Variants in SCAI observed in about 807,000 individuals in gnomAD.
The protein encoded by SCAI is protein SCAI.
A neutral mutation model predicts 92.2 loss-of-function variants in SCAI; 24 were observed. The ratio of observed to expected loss-of-function variants is 0.26; its 90% CI spans 0.19 to 0.37. SCAI has a LOEUF of 0.37. Among genes scored for constraint, SCAI ranks in the 10% least tolerant of loss-of-function variants. The probability of loss-of-function intolerance (pLI) is 1.00; values close to 1 mark genes in which losing one functional copy is unlikely to be tolerated. For missense variants in SCAI, 450 were observed against 736.2 expected (o/e 0.61, Z 4.50); for synonymous variants, 261 against 258.6 (o/e 1.01, Z -0.09).
intron 2 of SCAI, among the ~76,000 whole-genome samples, chr9:125,074,352 G>A (rs890935735): frequency 2.0e-5 from 3 of 150,714 alleles, no homozygotes; most frequent in African/African-American, 7.3e-5. Flanking sequence ...CACCTCCCAG[G>A]TTCAAGCGAT....
chr9:125,126,567 G>GGTGTGTGT lies in SCAI; in HGVS notation c.98+16058_98+16065dup, dbSNP rs748121151. Reference sequence around the variant, plus strand: ...AAAGTGAGGTGGGTGGGTGGGTGTGGGTGTGTGTGTGTGTGTGTGTGTGAG... The same window carrying GGTGTGTGT: ...AAAGTGAGGTGGGTGGGTGGGTGTGGGTGTGTGTGTGTGTGTGTGTGTGTGTGTGTGAG... On this transcript the variant is annotated intron_variant, in intron 2 of 17. Transcript: ENST00000336505. 2.2e-3 allele frequency among the ~76,000 whole-genome samples: 288 copies of GGTGTGTGT among 128,578 alleles called. 7 individuals are homozygous for GGTGTGTGT. The East Asian group carries it at 0.045, about 20-fold the overall frequency. The allele number at this position is 128,578 out of a possible 152,430, so 84.4% of individuals were successfully genotyped here. A position where few individuals can be genotyped will look rare whatever the true frequency, so the allele number is the denominator to read the frequency against.
At chr9:125,064,800 C>T (rs1351097834) in intron 2 of SCAI, among the ~76,000 whole-genome samples, 3 of 152,070 alleles carry the variant, frequency 2.0e-5, no homozygotes, top group African/African-American at 7.2e-5. Context: ...GAGCCAAGAT[C>T]GTGCCACTGC....
At chr9:124,983,904 G>A (rs1190669854) in intron 14 of SCAI, among the ~76,000 whole-genome samples, 1 of 152,074 alleles carries the variant, frequency 6.6e-6, no homozygotes, top group Non-Finnish European at 1.5e-5. Context: ...AGTAAAATGG[G>A]AACAATAAAA....
chr9:125,039,385 C>CAAAAAAAAAAAAAAGAAAAAA (rs1833269752), intron 3 of SCAI, among the ~76,000 whole-genome samples: 1 of 48,362 alleles, frequency 2.1e-5, no homozygotes. Flanking sequence ...GACTCCATCT[C>CAAAAAAAAAAAAAAGAAAAAA]AAAAAAAAAA....
intron 9 of SCAI, among the ~76,000 whole-genome samples, chr9:125,012,272 G>A (rs1277662577): frequency 6.6e-6 from 1 of 152,152 alleles, no homozygotes; most frequent in Non-Finnish European, 1.5e-5. Context: ...CCAGTGTGCT[G>A]TATTCAGGAA....
At chr9:125,117,156 T>C (rs1835061385) in intron 2 of SCAI, among the ~76,000 whole-genome samples, 1 of 152,214 alleles carries the variant, frequency 6.6e-6, no homozygotes, top group Admixed American at 6.5e-5. Context: ...TTGTCTGTTA[T>C]CCAATGAAGT....
chr9:125,015,559 G>T (rs916030883), intron 9 of SCAI, among the ~76,000 whole-genome samples: 2 of 152,198 alleles, frequency 1.3e-5, no homozygotes, highest in Admixed American at 1.3e-4. Context: ...TGGAGAAATA[G>T]GAACACTTTT....
At position 124,971,534 on chromosome 9, in the gene SCAI, A is replaced by C. The variant is rs533499059; in HGVS notation, c.1574-64T>G. 7 of 1,413,580 alleles carry C rather than the reference A, an allele frequency of 5.0e-6. No individual in the cohort carries two copies. In the East Asian group the frequency reaches 1.6e-4, roughly 32 times the overall value. The allele number at this position is 1,413,580 out of a possible 1,614,324, so 87.6% of individuals were successfully genotyped here. A position where few individuals can be genotyped will look rare whatever the true frequency, so the allele number is the denominator to read the frequency against. On this transcript the variant is annotated intron_variant, in intron 16 of 17. Coordinates refer to ENST00000336505, the MANE Select transcript of SCAI (RefSeq NM_001144877.3). ...AATGGAAATTATGTTTCAAAGGGGA[A>C]GGAAACTTCAGGAAAGCGTTCTCAA...
At chr9:125,066,456 A>ATTTT (rs1183338955) in intron 2 of SCAI, among the ~76,000 whole-genome samples, 2,471 of 121,314 alleles carry the variant, frequency 0.02, 68 homozygotes, top group African/African-American at 0.071. Context: ...TATTTTATTT[A>ATTTT]TTTATTTATT....
intron 15 of SCAI, among the ~76,000 whole-genome samples, chr9:124,972,807 T>G (rs1424563227): frequency 1.3e-5 from 2 of 152,190 alleles, no homozygotes; most frequent in Admixed American, 1.3e-4. Context: ...TCCTGTTGGT[T>G]CTATGGTTCT....
intron 2 of SCAI, among the ~76,000 whole-genome samples, chr9:125,075,332 C>T (rs1456956594): frequency 6.6e-6 from 1 of 151,966 alleles, no homozygotes; most frequent in Non-Finnish European, 1.5e-5. Context: ...AAGCCTCAAT[C>T]ACCAATCAGC....
chr9:125,073,166 G>A (rs1466164533), intron 2 of SCAI, among the ~76,000 whole-genome samples: 3 of 130,928 alleles, frequency 2.3e-5, no homozygotes, highest in African/African-American at 5.8e-5. Flanking sequence ...GTGCAGTGGC[G>A]CGATCTCGGC....
At chr9:125,117,404 G>A (rs1835066521) in intron 2 of SCAI, among the ~76,000 whole-genome samples, 1 of 152,054 alleles carries the variant, frequency 6.6e-6, no homozygotes, top group Non-Finnish European at 1.5e-5. Flanking sequence ...TTTGGCTCAC[G>A]CCTGTAATTC....
intron 13 of SCAI, among the ~76,000 whole-genome samples, chr9:124,996,029 AT>A (rs997977345): frequency 6.6e-6 from 1 of 152,152 alleles, no homozygotes; most frequent in Non-Finnish European, 1.5e-5. Flanking sequence ...TCACTGAGCA[AT>A]ATCATCAAAC....
At chr9:124,983,621 G>A (rs1419541879) in intron 14 of SCAI, among the ~76,000 whole-genome samples, 1 of 152,236 alleles carries the variant, frequency 6.6e-6, no homozygotes. Context: ...CCAAAGTGCT[G>A]GGATTACAGG....
chr9:124,984,079 G>C (rs539314521), intron 14 of SCAI, among the ~76,000 whole-genome samples: 1 of 152,156 alleles, frequency 6.6e-6, no homozygotes, highest in Non-Finnish European at 1.5e-5. Flanking sequence ...GACAATTAGG[G>C]AAGACCTTTT....
intron 14 of SCAI, among the ~76,000 whole-genome samples, chr9:124,992,070 A>T (rs1430820962): frequency 6.6e-6 from 1 of 151,756 alleles, no homozygotes; most frequent in Non-Finnish European, 1.5e-5. Context: ...GCTCACAAAA[A>T]CATGCCTGGC....
At chr9:124,979,149 C>G (rs1221784750) in intron 14 of SCAI, among the ~76,000 whole-genome samples, 2 of 151,908 alleles carry the variant, frequency 1.3e-5, no homozygotes, top group East Asian at 3.9e-4. Flanking sequence ...GTGTGAGCCA[C>G]CATGCCCAGC....
intron 9 of SCAI, among the ~76,000 whole-genome samples, chr9:125,009,306 G>A (rs932293284): frequency 6.6e-6 from 1 of 152,208 alleles, no homozygotes; most frequent in South Asian, 2.1e-4. Flanking sequence ...GTCTTCTTCT[G>A]TTGCCCAGGC....
Sources: allele counts gnomAD v4.1 joint callset (sites outside exome capture counted in the v4.1 genomes callset), GRCh38; gene constraint gnomAD v4.1.1; transcripts MANE v1.5; gene names NCBI Gene and HGNC (gene_info 2026-07-23, HGNC 2026-07-21).